The following FAM120A variants were observed in gnomAD, a reference collection of about 807,000 sequenced individuals.
The protein encoded by FAM120A is family with sequence similarity 120 member A, also known as constitutive coactivator of PPAR-gamma-like protein 1.
In FAM120A, 15 loss-of-function variants were observed where a neutral mutation model predicts 109.7. That is an observed-to-expected ratio of 0.14 (90% CI 0.09 to 0.21). The LOEUF (loss-of-function observed/expected upper bound fraction) is 0.21, where lower values mean the gene tolerates loss of function less well. Among genes scored for constraint, FAM120A ranks in the 10% least tolerant of loss-of-function variants. The pLI is 1.00. For synonymous variants in FAM120A, 493 were observed against 572.8 expected, an observed-to-expected ratio of 0.86 and a Z score of 1.99; for missense variants, 899 against 1,439.3, an observed-to-expected ratio of 0.62 and a Z score of 6.07.
At chr9:93,560,839 T>G (rs778263654) in intron 15 of FAM120A, among the ~76,000 whole-genome samples, 3 of 152,254 alleles carry the variant, frequency 2.0e-5, no homozygotes, top group Admixed American at 6.5e-5. Flanking sequence ...ATGCACCTGA[T>G]GACACTTTAT....
rs958427058 is a variant in FAM120A, at chr9:93,452,796, A to G, written c.474+407A>G. 9.4e-6 allele frequency: 15 copies of G among 1,590,120 alleles called. No homozygotes were observed. The highest frequency in any genetic ancestry group is 1.2e-5 in the Non-Finnish European group (14 of 1,176,670). The stretch of plus-strand genomic sequence containing the variant: ...ATTTAGCCTGTTCTTTCCCAGCAAC[A>G]GGTTCATCTTGGAAGCAGGCAGGAT... On this transcript the variant is annotated intron_variant, in intron 1 of 17. Transcript: ENST00000277165. The surrounding 1 kb of genome is among the most constrained non-coding windows in gnomAD (Gnocchi z 7.0).
At chr9:93,548,899 C>T (rs926738619) in intron 11 of FAM120A, among the ~76,000 whole-genome samples, 2 of 151,996 alleles carry the variant, frequency 1.3e-5, no homozygotes, top group African/African-American at 4.8e-5. Context: ...AAAAATTAGC[C>T]AGGTGGGGTG....
At chr9:93,560,308 C>A (rs1377259894) in intron 15 of FAM120A, among the ~76,000 whole-genome samples, 1 of 151,906 alleles carries the variant, frequency 6.6e-6, no homozygotes, top group African/African-American at 2.4e-5. Flanking sequence ...AAAAAAAAAT[C>A]TTGACTACAT....
Position 93,452,696 on chromosome 9 carries a change from T to C in FAM120A, c.474+307T>C. On this transcript the variant is annotated intron_variant, in intron 1 of 17. Coordinates refer to ENST00000277165, the MANE Select transcript of FAM120A (RefSeq NM_014612.5). The surrounding 1 kb of genome is among the most constrained non-coding windows in gnomAD (Gnocchi z 7.0). ...GACAGTGTCATCATCCCCAATATCC[T>C]TAGTTTTTCCCATCCTATTTGAGGC... The C allele has an allele frequency of 6.3e-7, 1 of 1,598,578 alleles. No individual in the cohort carries two copies. Among genetic ancestry groups the C allele is most frequent in the Non-Finnish European group, 8.5e-7 (1 of 1,179,868 alleles).
intron 3 of FAM120A, among the ~76,000 whole-genome samples, chr9:93,487,223 G>A (rs1027997401): frequency 2.0e-5 from 3 of 152,026 alleles, no homozygotes; most frequent in African/African-American, 4.8e-5. Flanking sequence ...GTGCAGTGGC[G>A]TGATCTTAGC....
intron 3 of FAM120A, among the ~76,000 whole-genome samples, chr9:93,490,227 CAGCAATGGTACTTTG>C (rs1282486791): frequency 6.6e-6 from 1 of 152,214 alleles, no homozygotes; most frequent in Non-Finnish European, 1.5e-5. Flanking sequence ...AGTTCTGCTT[CAGCAATGGTACTTTG>C]TGAAACCTGT....
chr9:93,555,798 T>C (rs1250233137), intron 12 of FAM120A, among the ~76,000 whole-genome samples: 3 of 152,232 alleles, frequency 2.0e-5, no homozygotes, highest in Non-Finnish European at 1.5e-5. Flanking sequence ...AGCTATCCAT[T>C]TCTCCAAAAG....
At chr9:93,499,552 T>C (rs1859713209) in intron 5 of FAM120A, among the ~76,000 whole-genome samples, 1 of 152,056 alleles carries the variant, frequency 6.6e-6, no homozygotes, top group Admixed American at 6.5e-5. Flanking sequence ...CCTCCCAAAA[T>C]GCTGGGATTA....
At chr9:93,491,171 A>G (rs1359468601) in intron 3 of FAM120A, among the ~76,000 whole-genome samples, 1 of 152,240 alleles carries the variant, frequency 6.6e-6, no homozygotes, top group Admixed American at 6.5e-5. Context: ...GAACAGGCCC[A>G]GTAGTGTGGC....
chr9:93,510,092 C>G (rs1046418652), intron 5 of FAM120A, among the ~76,000 whole-genome samples: 1 of 152,304 alleles, frequency 6.6e-6, no homozygotes, highest in East Asian at 1.9e-4. Flanking sequence ...GAGCATTACT[C>G]CCATTGAGTA....
intron 1 of FAM120A, among the ~76,000 whole-genome samples, chr9:93,454,964 C>T (rs1339876709): frequency 6.6e-6 from 1 of 152,210 alleles, no homozygotes; most frequent in Non-Finnish European, 1.5e-5. Context: ...AATGGCACCA[C>T]CACTCCAGAA....
At chr9:93,453,368 C>T in intron 1 of FAM120A, 1 of 985,534 alleles carries the variant, frequency 1.0e-6, no homozygotes, top group African/African-American at 1.7e-5. Context: ...TAAGCACATC[C>T]ATGATCCTGG....
chr9:93,472,397 C>T (rs1225482556), intron 2 of FAM120A, among the ~76,000 whole-genome samples: 1 of 152,188 alleles, frequency 6.6e-6, no homozygotes, highest in Admixed American at 6.5e-5. Context: ...ACTTTAATAT[C>T]CAGCTCTAGT....
In FAM120A at chr9:93,565,110, T is replaced by G. The variant is rs1862591440; in HGVS notation, c.*570T>G. ...AAGTGCAACTATCAAAACTAAAAAA[T>G]TATAGAGTAATATTGCCGTTCTGCT... On this transcript the variant is annotated 3_prime_UTR_variant, in exon 18 of 18. Transcript: ENST00000277165. 1 of 152,162 alleles carries G rather than the reference T, an allele frequency of 6.6e-6. No individual in the cohort carries two copies. The highest frequency in any genetic ancestry group is 1.9e-4 in the East Asian group (1 of 5,192). The allele number at this position is 152,162 out of a possible 1,614,324, so 9.4% of individuals were successfully genotyped here. A position where few individuals can be genotyped will look rare whatever the true frequency, so the allele number is the denominator to read the frequency against.
In FAM120A at chr9:93,529,360, G is replaced by A. The variant is rs771814283; in HGVS notation, c.1514G>A (p.Gly505Asp). The A allele has an allele frequency of 3.1e-6, 5 of 1,603,324 alleles. No individual in the cohort carries two copies. Among genetic ancestry groups the A allele is most frequent in the Non-Finnish European group, 3.4e-6 (4 of 1,174,918 alleles). Reference sequence around the variant, plus strand: ...CTGCTCTCTGCACTGTAGGCAGAAGGCTCGTCCACTGCCTCTTCAGGAAGC... The same window carrying A: ...CTGCTCTCTGCACTGTAGGCAGAAGACTCGTCCACTGCCTCTTCAGGAAGC... Reference protein sequence around the residue: ...GDPGDQTKAEGSSTASSGSQL... With the variant: ...GDPGDQTKAEDSSTASSGSQL... Residue 505 changes from glycine to aspartate, a missense_variant, in exon 9 of 18, where the codon GGC (glycine) becomes GAC (aspartate). Around this residue, in one of 11 missense-constraint regions of FAM120A, gnomAD observed 57 missense variants for 52.9 expected, o/e 1.08. Coordinates refer to ENST00000277165, the MANE Select transcript of FAM120A (RefSeq NM_014612.5).
rs1219441195 is a variant in FAM120A, at chr9:93,565,987, G to A, written c.*1447G>A. On this transcript the variant is annotated 3_prime_UTR_variant, in exon 18 of 18. Transcript: ENST00000277165. ...TGAAGGGAGTTTTGCCCTAACTCAT[G>A]GATTGTGCAAGAATGAACTGCTGTT... 1 of 152,622 alleles carries A rather than the reference G, an allele frequency of 6.6e-6. No homozygotes were observed. The highest frequency in any genetic ancestry group is 1.5e-5 in the Non-Finnish European group (1 of 68,042). 9.5% of individuals were successfully genotyped at this position (152,622 alleles called of 1,614,324 possible). A position where few individuals can be genotyped will look rare whatever the true frequency, so the allele number is the denominator to read the frequency against.
At position 93,516,103 on chromosome 9, in the gene FAM120A, T is replaced by C. The variant is rs138573585; in HGVS notation, c.1252T>C (p.Tyr418His). The change falls in exon 7 of 18, where the codon TAC (tyrosine) becomes CAC (histidine). Residue 418 changes from tyrosine (Y) to histidine (H), a missense_variant. By Grantham distance (83) the Tyr-to-His change is moderately conservative. Transcript: ENST00000277165. ...SGKNLTEQNSYSNIPHEGKHT... is the reference protein window; with the variant it reads ...SGKNLTEQNSHSNIPHEGKHT... ...GAAGAATCTGACGGAGCAGAACAGC[T>C]ACAGCAACATTCCTCACGAAGGGAA... 2.3e-5 allele frequency: 37 copies of C among 1,613,290 alleles called. No individual in the cohort carries two copies. The African/African-American group carries it at 4.7e-4, about 20-fold the overall frequency.
chr9:93,552,666 G>A (rs1316193223), intron 12 of FAM120A, among the ~76,000 whole-genome samples: 1 of 152,190 alleles, frequency 6.6e-6, no homozygotes, highest in Non-Finnish European at 1.5e-5. Flanking sequence ...AAATTCCTAT[G>A]CAGAGCTGAG....
At chr9:93,491,587 T>G (rs955142788) in intron 3 of FAM120A, among the ~76,000 whole-genome samples, 1 of 152,194 alleles carries the variant, frequency 6.6e-6, no homozygotes, top group African/African-American at 2.4e-5. Context: ...TGCCTGGAAG[T>G]AAAGGGGTAG....
Sources: gnomAD v4.1 joint callset for allele counts (sites outside exome capture counted in the v4.1 genomes callset) on GRCh38, gnomAD v4.1.1 for gene constraint, gnomAD v4.1.1 regional missense constraint, Gnocchi (gnomAD v3.1) non-coding constraint, MANE v1.5 for transcripts, NCBI Gene and HGNC (gene_info 2026-07-23, HGNC 2026-07-21) for gene names.